The following GLIS3 variants were observed in gnomAD, a reference collection of about 807,000 sequenced individuals.
GLIS3 encodes the protein GLIS family zinc finger 3, also known as zinc finger protein GLIS3.
GLIS3 carries 53 observed loss-of-function variants against 78.6 expected under a neutral mutation model. The ratio of observed to expected loss-of-function variants is 0.67; its 90% CI spans 0.54 to 0.85. The LOEUF is 0.85. GLIS3 is among the 40% of genes least tolerant of loss of function. The probability of loss-of-function intolerance (pLI) is 0.00; values close to 1 mark genes in which losing one functional copy is unlikely to be tolerated. For synonymous variants in GLIS3, 684 were observed against 509.9 expected (o/e 1.34, Z -4.60); for missense variants, 1,703 against 1,231.1 (o/e 1.38, Z -5.74).
the GLIS3 span, among the ~76,000 whole-genome samples, chr9:4,466,644 T>A: frequency 6.6e-6 from 1 of 152,098 alleles, no homozygotes; most frequent in African/African-American, 2.4e-5. Flanking sequence ...AAAACCCAAT[T>A]AATAGAGAGA....
intron 6 of GLIS3, 63 bp downstream of exon 6, chr9:3,932,296 TC>T (rs1588257330): frequency 7.9e-7 from 1 of 1,268,612 alleles, no homozygotes; most frequent in East Asian, 2.3e-5. Context: ...TGCAGAAGCT[TC>T]GTGTACTACA....
At chr9:4,079,006 A>C (rs1386607941) in intron 4 of GLIS3, among the ~76,000 whole-genome samples, 1 of 152,174 alleles carries the variant, frequency 6.6e-6, no homozygotes, top group Non-Finnish European at 1.5e-5. Flanking sequence ...CTTCTTTAGG[A>C]AACTGCTAAA....
chr9:4,165,478 C>T (rs1176658255), intron 2 of GLIS3, among the ~76,000 whole-genome samples: 3 of 152,150 alleles, frequency 2.0e-5, no homozygotes, highest in Non-Finnish European at 4.4e-5. Flanking sequence ...CATTCTTTTC[C>T]ATGGGGGGAA....
chr9:4,120,425 G>T (rs1832087664), intron 3 of GLIS3, among the ~76,000 whole-genome samples: 1 of 152,144 alleles, frequency 6.6e-6, no homozygotes, highest in African/African-American at 2.4e-5. Context: ...TTAAATTCGG[G>T]TTGTAGTCTT....
intron 2 of GLIS3, among the ~76,000 whole-genome samples, chr9:4,178,414 A>T (rs1816991115): frequency 6.6e-6 from 1 of 152,118 alleles, no homozygotes; most frequent in Non-Finnish European, 1.5e-5. Flanking sequence ...TAGAGATGTG[A>T]CTCTTATGGC....
In GLIS3 at chr9:3,898,852, G is replaced by A. The variant is rs1823071582; in HGVS notation, c.1984-17C>T. On this transcript the variant is annotated splice_polypyrimidine_tract_variant and intron_variant, in intron 6 of 10. Coordinates refer to ENST00000381971, the MANE Select transcript of GLIS3 (RefSeq NM_001042413.2). ...GGACCGCAACTAAGAGGACAAAACGGAAGAGACATCGATAAGGAGAGCCGG... is the reference window on the plus strand; with the variant it reads ...GGACCGCAACTAAGAGGACAAAACGAAAGAGACATCGATAAGGAGAGCCGG... 1.2e-6 allele frequency: 2 copies of A among 1,613,796 alleles called. No individual in the cohort carries two copies. The highest frequency in any genetic ancestry group is 1.7e-6 in the Non-Finnish European group (2 of 1,180,012).
intron 8 of GLIS3, among the ~76,000 whole-genome samples, chr9:3,865,997 T>C (rs992815189): frequency 7.9e-5 from 12 of 152,156 alleles, no homozygotes; most frequent in African/African-American, 2.9e-4. Flanking sequence ...GACGTCAGTG[T>C]CTCCTGTCTT....
At chr9:3,988,914 C>G (rs918606932) in intron 4 of GLIS3, among the ~76,000 whole-genome samples, 1 of 152,012 alleles carries the variant, frequency 6.6e-6, no homozygotes, top group Non-Finnish European at 1.5e-5. Context: ...TAAATTTGTT[C>G]TCATCAAAAT....
At chr9:4,321,222 C>T (rs1427859002) in intron 2 of GLIS3, among the ~76,000 whole-genome samples, 3 of 144,680 alleles carry the variant, frequency 2.1e-5, no homozygotes, top group African/African-American at 5.4e-5. Flanking sequence ...AGATCGAGAC[C>T]ATCCTGGCTA....
chr9:4,398,314 G>A, the GLIS3 span, among the ~76,000 whole-genome samples: 1 of 151,896 alleles, frequency 6.6e-6, no homozygotes, highest in Admixed American at 6.6e-5. Flanking sequence ...AGCAGCATTA[G>A]CATGACCTGG....
chr9:4,365,682 G>T, the GLIS3 span, among the ~76,000 whole-genome samples: 1 of 152,246 alleles, frequency 6.6e-6, no homozygotes, highest in African/African-American at 2.4e-5. Context: ...AACGTCATCT[G>T]AAAAACTGGA....
intron 2 of GLIS3, among the ~76,000 whole-genome samples, chr9:4,245,897 T>A (rs865791697): frequency 6.6e-6 from 1 of 152,226 alleles, no homozygotes; most frequent in African/African-American, 2.4e-5. Flanking sequence ...TGGTCTTTCA[T>A]ATCTTCTATT....
chr9:4,237,371 G>C (rs12339374), intron 2 of GLIS3, among the ~76,000 whole-genome samples: 2 of 151,830 alleles, frequency 1.3e-5, no homozygotes, highest in African/African-American at 4.8e-5. Flanking sequence ...ACATTAACTG[G>C]AAAAAAATCA....
At chr9:4,274,844 C>T (rs375041179) in intron 2 of GLIS3, among the ~76,000 whole-genome samples, 10 of 152,256 alleles carry the variant, frequency 6.6e-5, no homozygotes, top group African/African-American at 2.4e-4. Flanking sequence ...GTGCCCTGTA[C>T]ATTTCTAACC....
At chr9:4,190,035 A>G (rs983036612) in intron 2 of GLIS3, among the ~76,000 whole-genome samples, 1 of 152,174 alleles carries the variant, frequency 6.6e-6, no homozygotes, top group Admixed American at 6.5e-5. Flanking sequence ...CCATTGGTAC[A>G]TCACCATCAT....
At chr9:4,001,912 T>C (rs768009953) in intron 4 of GLIS3, among the ~76,000 whole-genome samples, 2 of 152,204 alleles carry the variant, frequency 1.3e-5, no homozygotes, top group African/African-American at 4.8e-5. Flanking sequence ...ATACATCTTA[T>C]TCTGGCCTGC....
chr9:4,320,852 C>A (rs989991956), intron 2 of GLIS3, among the ~76,000 whole-genome samples: 1 of 152,162 alleles, frequency 6.6e-6, no homozygotes, highest in Non-Finnish European at 1.5e-5. Context: ...CATATTCATT[C>A]TGGTCTCTCT....
chr9:3,986,894 G>A lies in GLIS3; in HGVS notation c.1711-49705C>T, dbSNP rs189565056. ...TGCAACCCAGAGTTTCCAAACATAT[G>A]AAATGTGCAGGATATAATTTAAAAT... On this transcript the variant is annotated intron_variant, in intron 4 of 10. Transcript: ENST00000381971. Among the ~76,000 whole-genome samples the A allele has an allele frequency of 3.0e-3, 460 of 152,292 alleles. 2 individuals are homozygous for A. The highest frequency in any genetic ancestry group is 5.7e-3 in the Non-Finnish European group (386 of 68,018).
intron 2 of GLIS3, among the ~76,000 whole-genome samples, chr9:4,141,440 G>A (rs1003298671): frequency 1.3e-5 from 2 of 152,208 alleles, no homozygotes; most frequent in Non-Finnish European, 2.9e-5. Flanking sequence ...TGTGGGGCTT[G>A]GTCAAAGGGC....
Sources: gnomAD v4.1 joint callset for allele counts (sites outside exome capture counted in the v4.1 genomes callset) on GRCh38, gnomAD v4.1.1 for gene constraint, MANE v1.5 for transcripts, NCBI Gene and HGNC (gene_info 2026-07-23, HGNC 2026-07-21) for gene names.